Variants in CNTNAP5 observed in about 807,000 individuals in gnomAD.
CNTNAP5 encodes contactin-associated protein-like 5.
CNTNAP5 carries 72 observed loss-of-function variants against 150.2 expected under a neutral mutation model. The ratio of observed to expected loss-of-function variants is 0.48; its 90% CI spans 0.40 to 0.58. CNTNAP5 has a LOEUF of 0.58. Ranked by LOEUF, CNTNAP5 falls within the 20% of genes least tolerant of loss-of-function variation. The probability of loss-of-function intolerance (pLI) is 0.00; values close to 1 mark genes in which losing one functional copy is unlikely to be tolerated. For missense variants in CNTNAP5, 1,636 were observed against 1,626.2 expected (o/e 1.01, Z -0.10); for synonymous variants, 672 against 619.8 (o/e 1.08, Z -1.25).
intron 19 of CNTNAP5, among the ~76,000 whole-genome samples, chr2:124,832,223 C>A (rs1207642257): frequency 6.6e-6 from 1 of 151,968 alleles, no homozygotes; most frequent in East Asian, 1.9e-4. Flanking sequence ...AATTTTTAAA[C>A]AAGCTTATTT....
At chr2:124,814,620 A>T (rs1260906046) in intron 19 of CNTNAP5, among the ~76,000 whole-genome samples, 1 of 151,958 alleles carries the variant, frequency 6.6e-6, no homozygotes, top group East Asian at 1.9e-4. Flanking sequence ...GCATATACTA[A>T]TGGTTCATCT....
intron 3 of CNTNAP5, among the ~76,000 whole-genome samples, chr2:124,252,445 C>G (rs1486901734): frequency 6.6e-6 from 1 of 152,126 alleles, no homozygotes; most frequent in Non-Finnish European, 1.5e-5. Context: ...TGGGTGATGA[C>G]CCACCACCCT....
chr2:124,062,890 G>T (rs1196638751), intron 1 of CNTNAP5, among the ~76,000 whole-genome samples: 2 of 152,100 alleles, frequency 1.3e-5, no homozygotes, highest in East Asian at 3.9e-4. Context: ...GGACACAGCA[G>T]TCATATTTAT....
chr2:124,261,794 G>C (rs1040637163), intron 3 of CNTNAP5, among the ~76,000 whole-genome samples: 3 of 152,190 alleles, frequency 2.0e-5, no homozygotes, highest in African/African-American at 7.2e-5. Context: ...TCTTGAGTAA[G>C]AGAAGAAAAT....
At chr2:124,134,154 G>C (rs1683923176) in intron 1 of CNTNAP5, among the ~76,000 whole-genome samples, 1 of 152,100 alleles carries the variant, frequency 6.6e-6, no homozygotes, top group Non-Finnish European at 1.5e-5. Context: ...CCAAAGTTGA[G>C]GTGTTGTCAA....
At chr2:124,035,918 T>TA (rs1681201693) in intron 1 of CNTNAP5, among the ~76,000 whole-genome samples, 1 of 113,958 alleles carries the variant, frequency 8.8e-6, no homozygotes, top group Admixed American at 8.7e-5. Context: ...CTCTTTTTTT[T>TA]TTTTTTTTTT....
chr2:124,647,514 G>A (rs1246379106), intron 12 of CNTNAP5, among the ~76,000 whole-genome samples: 1 of 152,158 alleles, frequency 6.6e-6, no homozygotes, highest in Non-Finnish European at 1.5e-5. Context: ...GAGATCATGG[G>A]ATTAAATGCT....
chr2:124,852,000 G>T (rs1258050275), intron 19 of CNTNAP5, among the ~76,000 whole-genome samples: 1 of 152,140 alleles, frequency 6.6e-6, no homozygotes, highest in Non-Finnish European at 1.5e-5. Context: ...ATATGAGCTG[G>T]GAAAGGAGAG....
At chr2:124,525,936 T>C (rs544673230) in intron 9 of CNTNAP5, among the ~76,000 whole-genome samples, 1 of 152,234 alleles carries the variant, frequency 6.6e-6, no homozygotes, top group East Asian at 1.9e-4. Context: ...AAAACAGAGA[T>C]TGGAACAAAT....
At chr2:124,245,637 GTGTT>G (rs1369776551) in intron 3 of CNTNAP5, among the ~76,000 whole-genome samples, 1 of 149,906 alleles carries the variant, frequency 6.7e-6, no homozygotes, top group Non-Finnish European at 1.5e-5. Context: ...ATATATGTGT[GTGTT>G]TGTGTGTATG....
At chr2:124,673,686 C>A (rs994361233) in intron 13 of CNTNAP5, among the ~76,000 whole-genome samples, 1 of 150,484 alleles carries the variant, frequency 6.6e-6, no homozygotes, top group Non-Finnish European at 1.5e-5. Flanking sequence ...TTAATAATCA[C>A]GTATTATTTT....
intron 1 of CNTNAP5, among the ~76,000 whole-genome samples, chr2:124,135,412 A>G (rs1293852020): frequency 6.6e-6 from 1 of 152,284 alleles, no homozygotes; most frequent in African/African-American, 2.4e-5. Flanking sequence ...TTCCACCTCT[A>G]TAAGGAAGAT....
intron 10 of CNTNAP5, among the ~76,000 whole-genome samples, chr2:124,537,054 A>G (rs201739004): frequency 2.7e-5 from 4 of 148,476 alleles, no homozygotes; most frequent in African/African-American, 1.0e-4. Flanking sequence ...GAGAGAGAGA[A>G]AGAGAGAGAG....
chr2:124,032,059 A>T (rs1573703933), intron 1 of CNTNAP5, among the ~76,000 whole-genome samples: 1 of 152,188 alleles, frequency 6.6e-6, no homozygotes, highest in Non-Finnish European at 1.5e-5. Context: ...TGAATAAGAA[A>T]ATATAGTCCA....
chr2:124,462,380 A>C (rs1278406142), intron 6 of CNTNAP5, among the ~76,000 whole-genome samples: 2 of 152,168 alleles, frequency 1.3e-5, no homozygotes, highest in Non-Finnish European at 2.9e-5. Flanking sequence ...TGCTAACTTT[A>C]TATTTCTTCA....
At chr2:124,688,278 A>G (rs1052544349) in intron 13 of CNTNAP5, among the ~76,000 whole-genome samples, 1 of 152,084 alleles carries the variant, frequency 6.6e-6, no homozygotes, top group Non-Finnish European at 1.5e-5. Context: ...GTTTTTTTAA[A>G]AAAACGAATA....
chr2:124,034,079 A>G (rs1681139130), intron 1 of CNTNAP5, among the ~76,000 whole-genome samples: 1 of 152,154 alleles, frequency 6.6e-6, no homozygotes, highest in Non-Finnish European at 1.5e-5. Context: ...CTCATATTAC[A>G]TGGCCAAAAG....
chr2:124,103,978 A>G (rs917642947), intron 1 of CNTNAP5, among the ~76,000 whole-genome samples: 2 of 147,460 alleles, frequency 1.4e-5, no homozygotes, highest in Non-Finnish European at 3.0e-5. Flanking sequence ...GTTAATCATA[A>G]TAATATATGT....
At chr2:124,327,396 T>A (rs1368913777) in intron 3 of CNTNAP5, among the ~76,000 whole-genome samples, 1 of 152,164 alleles carries the variant, frequency 6.6e-6, no homozygotes, top group African/African-American at 2.4e-5. Context: ...AAAGGACCCC[T>A]CTTTTCAGCT....
Sources: allele counts gnomAD v4.1 joint callset (sites outside exome capture counted in the v4.1 genomes callset), GRCh38; gene constraint gnomAD v4.1.1; transcripts MANE v1.5; gene names NCBI Gene and HGNC (gene_info 2026-07-23, HGNC 2026-07-21).